RABGAP1L: variants seen among roughly 807,000 people sequenced by gnomAD.
RABGAP1L encodes rab GTPase-activating protein 1-like.
In RABGAP1L, 63 loss-of-function variants were observed where a neutral mutation model predicts 137.7. The ratio of observed to expected loss-of-function variants is 0.46; its 90% CI spans 0.37 to 0.56. The LOEUF (loss-of-function observed/expected upper bound fraction) is 0.56. RABGAP1L is among the 20% of genes least tolerant of loss of function. RABGAP1L has a pLI of 0.00. For synonymous variants in RABGAP1L, 431 were observed against 433.7 expected (o/e 0.99, Z 0.08); for missense variants, 1,095 against 1,244.0 (o/e 0.88, Z 1.80).
At chr1:174,697,499 A>G (rs1340406063) in intron 15 of RABGAP1L, among the ~76,000 whole-genome samples, 1 of 152,124 alleles carries the variant, frequency 6.6e-6, no homozygotes, top group Non-Finnish European at 1.5e-5. Flanking sequence ...TTGTATTTTT[A>G]GTAGAGACGG....
chr1:174,203,566 C>T (rs913026910), intron 1 of RABGAP1L, among the ~76,000 whole-genome samples: 3 of 152,078 alleles, frequency 2.0e-5, no homozygotes, highest in Admixed American at 6.6e-5. Context: ...GTTATTTTTG[C>T]TTAGGATTTC....
At chr1:174,254,186 C>G (rs1672932795) in intron 7 of RABGAP1L, among the ~76,000 whole-genome samples, 1 of 152,082 alleles carries the variant, frequency 6.6e-6, no homozygotes, top group Non-Finnish European at 1.5e-5. Flanking sequence ...TATTCAGCAT[C>G]TTGGTACAGT....
At chr1:174,632,092 G>A (rs1318532767) in intron 13 of RABGAP1L, among the ~76,000 whole-genome samples, 1 of 126,846 alleles carries the variant, frequency 7.9e-6, no homozygotes, top group Non-Finnish European at 1.7e-5. Context: ...AGGCCTGGTG[G>A]TGACAAAATC....
Position 174,994,048 on chromosome 1 carries a change from C to T in RABGAP1L, c.*4047C>T, listed in dbSNP as rs1672225481. The T allele has an allele frequency of 6.6e-6, 1 of 152,240 alleles. No individual in the cohort carries two copies. The highest frequency in any genetic ancestry group is 1.5e-5 in the Non-Finnish European group (1 of 68,042). 9.4% of individuals were successfully genotyped at this position (152,240 alleles called of 1,614,324 possible). Reference sequence around the variant, plus strand: ...GAAGGCCAGACCACAGCTCTGCAGCCTGTTTCCTACAACCAGATATAAAAC... The same window carrying T: ...GAAGGCCAGACCACAGCTCTGCAGCTTGTTTCCTACAACCAGATATAAAAC... On this transcript the variant is annotated 3_prime_UTR_variant, in exon 26 of 26. Transcript: ENST00000681986.
At chr1:174,288,796 C>A (rs1238670142) in intron 10 of RABGAP1L, among the ~76,000 whole-genome samples, 1 of 152,044 alleles carries the variant, frequency 6.6e-6, no homozygotes, top group Non-Finnish European at 1.5e-5. Context: ...ATTTTTCAGT[C>A]TCTTTATCTG....
At chr1:174,240,528 G>A (rs1411156006) in intron 4 of RABGAP1L, among the ~76,000 whole-genome samples, 6 of 152,226 alleles carry the variant, frequency 3.9e-5, no homozygotes, top group Non-Finnish European at 2.9e-5. Context: ...GATTACAGGC[G>A]TGAGCCACTG....
intron 13 of RABGAP1L, among the ~76,000 whole-genome samples, chr1:174,528,171 T>C (rs1432661946): frequency 6.6e-6 from 1 of 152,190 alleles, no homozygotes; most frequent in Admixed American, 6.5e-5. Flanking sequence ...TATAACATTT[T>C]GTTGCTGTCA....
intron 13 of RABGAP1L, among the ~76,000 whole-genome samples, chr1:174,612,681 G>C (rs1026196289): frequency 1.3e-4 from 20 of 152,200 alleles, no homozygotes; most frequent in African/African-American, 4.6e-4. Flanking sequence ...GAATCCATCT[G>C]GTCCTGGACT....
intron 19 of RABGAP1L, chr1:174,874,629 C>CGATA (rs1475149106): frequency 2.2e-6 from 1 of 461,634 alleles, no homozygotes. Context: ...GGTGTGAAGG[C>CGATA]GATAACTGCA....
At chr1:174,533,016 C>T (rs1258592475) in intron 13 of RABGAP1L, among the ~76,000 whole-genome samples, 5 of 152,130 alleles carry the variant, frequency 3.3e-5, no homozygotes, top group African/African-American at 9.7e-5. Flanking sequence ...GGGTGGGTCA[C>T]GAGGTCGGGA....
chr1:174,429,746 A>T (rs4652443), intron 13 of RABGAP1L, among the ~76,000 whole-genome samples: 1,894 of 151,198 alleles, frequency 0.013, 43 homozygotes, highest in African/African-American at 0.04. Flanking sequence ...TCTCAAAAAA[A>T]AAAAATAAAA....
intron 12 of RABGAP1L, among the ~76,000 whole-genome samples, chr1:174,383,792 A>G (rs561185357): frequency 5.9e-5 from 9 of 152,062 alleles, no homozygotes; most frequent in Admixed American, 2.0e-4. Context: ...AGCTGTTCCT[A>G]TTCGGCCATC....
intron 13 of RABGAP1L, among the ~76,000 whole-genome samples, chr1:174,440,711 A>G (rs1654030843): frequency 1.3e-5 from 2 of 152,048 alleles, no homozygotes; most frequent in South Asian, 2.1e-4. Context: ...GTGCACCACC[A>G]TGCCTGGCTA....
At chr1:174,165,750 C>T (rs75088776) in intron 1 of RABGAP1L, among the ~76,000 whole-genome samples, 1,857 of 152,202 alleles carry the variant, frequency 0.012, 45 homozygotes, top group African/African-American at 0.043. Context: ...CCTCCTGCCT[C>T]GGCCTCCCAA....
intron 1 of RABGAP1L, among the ~76,000 whole-genome samples, chr1:174,206,225 T>G (rs1184208516): frequency 6.6e-6 from 1 of 152,230 alleles, no homozygotes; most frequent in East Asian, 1.9e-4. Context: ...AGAATTATTG[T>G]TGGACAGATA....
intron 11 of RABGAP1L, among the ~76,000 whole-genome samples, chr1:174,307,141 A>G (rs1416499848): frequency 6.6e-6 from 1 of 152,200 alleles, no homozygotes; most frequent in Non-Finnish European, 1.5e-5. Context: ...CACAGAGAGC[A>G]TCATCACTTG....
chr1:174,714,612 T>C (rs934470446), intron 17 of RABGAP1L, among the ~76,000 whole-genome samples: 9 of 152,228 alleles, frequency 5.9e-5, no homozygotes, highest in African/African-American at 2.2e-4. Flanking sequence ...TTAGATATTT[T>C]AAGAAACAGA....
intron 13 of RABGAP1L, among the ~76,000 whole-genome samples, chr1:174,408,023 T>A (rs1393111917): frequency 6.6e-6 from 1 of 152,194 alleles, no homozygotes; most frequent in African/African-American, 2.4e-5. Flanking sequence ...TACATTTAAC[T>A]TTATATAGTT....
chr1:174,944,529 C>A (rs559606461), intron 19 of RABGAP1L, among the ~76,000 whole-genome samples: 1 of 151,412 alleles, frequency 6.6e-6, no homozygotes, highest in African/African-American at 2.4e-5. Context: ...CCCAACTACT[C>A]AGGAGGCTGA....
Sources: allele counts gnomAD v4.1 joint callset (sites outside exome capture counted in the v4.1 genomes callset), GRCh38; gene constraint gnomAD v4.1.1; transcripts MANE v1.5; gene names NCBI Gene and HGNC (gene_info 2026-07-23, HGNC 2026-07-21).